The following CEP290 variants were observed in gnomAD, a reference collection of about 807,000 sequenced individuals.
CEP290 encodes centrosomal protein of 290 kDa.
In CEP290, 317 loss-of-function variants were observed where a neutral mutation model predicts 344.9. The observed-to-expected ratio is 0.92, with a 90% CI of 0.84 to 1.01. The LOEUF is 1.01. CEP290 is among the 50% of genes least tolerant of loss of function. The pLI, the probability that CEP290 is intolerant of heterozygous loss-of-function variation, is 0.00. For missense variants in CEP290, 2,754 were observed against 2,761.4 expected (o/e 1.00, Z 0.06); for synonymous variants, 932 against 895.8 (o/e 1.04, Z -0.72).
chr12:88,094,074 G>A, intron 27 of CEP290, 99 bp from the exon 28 acceptor site: 1 of 919,908 alleles, frequency 1.1e-6, no homozygotes, highest in Admixed American at 3.0e-5. Context: ...TAGTTCCATG[G>A]AAAGCACATT....
Position 88,138,988 on chromosome 12 carries a change from G to T in CEP290, c.297+157C>A, listed in dbSNP as rs543604740. On this transcript the variant is annotated intron_variant, in intron 5 of 53. Coordinates refer to ENST00000552810, the MANE Select transcript of CEP290 (RefSeq NM_025114.4). Reference sequence around the variant, plus strand: ...TGCTCAGTCCTTAGTACTATATAAGGCACATAATAGGCATGTAGAACATAT... The same window carrying T: ...TGCTCAGTCCTTAGTACTATATAAGTCACATAATAGGCATGTAGAACATAT... 2.0e-5 allele frequency among the ~76,000 whole-genome samples: 3 copies of T among 152,036 alleles called. No individual in the cohort carries two copies. In the South Asian group the frequency reaches 6.2e-4, roughly 32 times the overall value.
At position 88,130,320 on chromosome 12, in the gene CEP290, G is replaced by C; in HGVS notation, c.617C>G (p.Ser206Ter). Residue 206 changes from serine to a stop codon, truncating the protein, a stop_gained, in exon 9 of 54, where the codon TCA becomes TGA. Coordinates refer to ENST00000552810, the MANE Select transcript of CEP290 (RefSeq NM_025114.4). LOFTEE classifies it high-confidence loss of function. ...CTCATAGTTTTTTTTAGACAACTGT[G>C]ATCGGTAGTCACTGTCTTCCCCTCT... is the stretch of plus-strand genomic sequence containing the variant. ...SRRGEDSDYRSQLSKKNYELI... is the reference protein window; with the variant it reads ...SRRGEDSDYR 1 of 1,608,034 alleles carries C rather than the reference G, an allele frequency of 6.2e-7. No homozygotes were observed.
In CEP290 at chr12:88,108,996, T is replaced by G. The variant is rs576628900; in HGVS notation, c.2483+70A>C. 3.2e-4 allele frequency: 180 copies of G among 554,870 alleles called. 6 individuals are homozygous for G. In the South Asian group the frequency reaches 5.4e-3, roughly 17 times the overall value. The allele number at this position is 554,870 out of a possible 1,614,324, so 34.4% of individuals were successfully genotyped here. A position where few individuals can be genotyped will look rare whatever the true frequency, so the allele number is the denominator to read the frequency against. On this transcript the variant is annotated intron_variant, in intron 23 of 53. Coordinates refer to ENST00000552810, the MANE Select transcript of CEP290 (RefSeq NM_025114.4). Reference sequence around the variant, plus strand: ...GAAGGGAAGAACAAAACATAAATTATTCTTACGTTACTTTCACAATTAACA... The same window carrying G: ...GAAGGGAAGAACAAAACATAAATTAGTCTTACGTTACTTTCACAATTAACA...
At chr12:88,109,728 G>A (rs890378150) in intron 22 of CEP290, among the ~76,000 whole-genome samples, 2 of 152,076 alleles carry the variant, frequency 1.3e-5, no homozygotes, top group African/African-American at 4.8e-5. Context: ...TACAGCCTTA[G>A]GATTGAGAGT....
intron 6 of CEP290, among the ~76,000 whole-genome samples, chr12:88,133,046 C>T (rs1209837529): frequency 2.0e-5 from 3 of 151,498 alleles, no homozygotes; most frequent in African/African-American, 7.3e-5. Context: ...ATCCCATGTC[C>T]CTGCAAAGGA....
In CEP290 at chr12:88,064,056, GTTTTCC is replaced by G; in HGVS notation, c.6189_6194del (p.Lys2063_Glu2064del). 1 of 1,590,852 alleles carries G rather than the reference GTTTTCC, an allele frequency of 6.3e-7. No individual in the cohort carries two copies. The highest frequency in any genetic ancestry group is 1.3e-5 in the African/African-American group (1 of 74,548). ...CAATATTTTCAGATGACAACTTCAA[GTTTTCC>G]TTCTGAAGCTCCTGTTCTCTCTGAC... On this transcript the variant is annotated inframe_deletion, in exon 45 of 54. Coordinates refer to ENST00000552810, the MANE Select transcript of CEP290 (RefSeq NM_025114.4).
Position 88,092,802 on chromosome 12 carries a change from C to T in CEP290, c.3340G>A (p.Val1114Met). The change falls in exon 29 of 54, where the codon GTG becomes ATG. Residue 1114 changes from valine to methionine, a missense_variant. Transcript: ENST00000552810. Reference sequence around the variant, plus strand: ...AATTCATCTCTTAACATCTGTTCCACCTTCTGTGCATCCAAATTGATTTTG... The same window carrying T: ...AATTCATCTCTTAACATCTGTTCCATCTTCTGTGCATCCAAATTGATTTTG... ...LTKINLDAQKVEQMLRDELAD... is the reference protein window; with the variant it reads ...LTKINLDAQKMEQMLRDELAD... The T allele has an allele frequency of 1.2e-6, 2 of 1,609,818 alleles. No individual in the cohort carries two copies. Among genetic ancestry groups the T allele is most frequent in the East Asian group, 2.2e-5 (1 of 44,606 alleles).
In CEP290 at chr12:88,089,329, TTCA is replaced by T. The variant is rs2036839124; in HGVS notation, c.3729_3731del (p.Asp1243del). The T allele has an allele frequency of 6.2e-7, 1 of 1,613,956 alleles. No homozygotes were observed. On this transcript the variant is annotated inframe_deletion, in exon 31 of 54. Transcript: ENST00000552810. ...GAGCATAATAGAGAGCCTGTTCTTT[TTCA>T]TCAAGTTTCTGCTCTAAGCGCAAGT...
At chr12:88,099,935 AAC>A (rs2037741962) in intron 26 of CEP290, among the ~76,000 whole-genome samples, 1 of 151,594 alleles carries the variant, frequency 6.6e-6, no homozygotes, top group South Asian at 2.1e-4. Context: ...TCTCCCTAGT[AAC>A]TCTAAATTTT....
intron 13 of CEP290, among the ~76,000 whole-genome samples, chr12:88,122,232 A>G (rs373630166): frequency 2.0e-5 from 3 of 151,952 alleles, no homozygotes; most frequent in East Asian, 3.9e-4. Context: ...CTATTCTCCT[A>G]TCATTCTTCC....
intron 44 of CEP290, among the ~76,000 whole-genome samples, 180 bp downstream of exon 44, chr12:88,068,342 T>TA (rs1296736588): frequency 2.0e-5 from 3 of 152,016 alleles, no homozygotes; most frequent in Non-Finnish European, 4.4e-5. Flanking sequence ...GTTATTATGT[T>TA]AAAAAGGATT....
At chr12:88,059,812 T>A in intron 48 of CEP290, 86 bp downstream of exon 48, 3 of 1,091,172 alleles carry the variant, frequency 2.7e-6, no homozygotes, top group Non-Finnish European at 3.8e-6. Context: ...TTACAGACAC[T>A]CTCATCAAGG....
intron 13 of CEP290, among the ~76,000 whole-genome samples, chr12:88,124,206 T>G (rs1350081853): frequency 6.6e-6 from 1 of 152,102 alleles, no homozygotes; most frequent in African/African-American, 2.4e-5. Flanking sequence ...CACAATGAAC[T>G]ATAAGGCCCC....
Position 88,126,371 on chromosome 12 carries a change from T to G in CEP290, c.1010A>C (p.Lys337Thr). 3 of 1,513,854 alleles carry G rather than the reference T, an allele frequency of 2.0e-6. No homozygotes were observed. The highest frequency in any genetic ancestry group is 2.6e-6 in the Non-Finnish European group (3 of 1,135,830). The allele number at this position is 1,513,854 out of a possible 1,614,324, so 93.8% of individuals were successfully genotyped here. Reference protein sequence around the residue: ...YQQMLHNLREKLKNAQLDADK... With the variant: ...YQQMLHNLRETLKNAQLDADK... The stretch of plus-strand genomic sequence containing the variant: ...AGCATCAAGCTGAGCATTCTTAAGT[T>G]TCTCCCTTAGGTTATGTAACATTTG... The change falls in exon 12 of 54, where the codon AAA becomes ACA. Residue 337 changes from lysine (K) to threonine (T), a missense_variant. Transcript: ENST00000552810.
rs557032879 is a variant in CEP290, at chr12:88,134,355, GC to G, written c.441+2287del. Among the ~76,000 whole-genome samples, 302 of 152,228 alleles carry G rather than the reference GC, an allele frequency of 2.0e-3. 1 individual carries two copies. The highest frequency in any genetic ancestry group is 6.6e-3 in the African/African-American group (276 of 41,548). ...CTTTCTCAGGCAAATGCCATCATTA[GC>G]ACTTCCCTGAATTAACACAAATGTT... On this transcript the variant is annotated intron_variant, in intron 6 of 53. Coordinates refer to ENST00000552810, the MANE Select transcript of CEP290 (RefSeq NM_025114.4).
rs2138257225 is a variant in CEP290, at chr12:88,139,136, A to G, written c.297+9T>C. The stretch of plus-strand genomic sequence containing the variant: ...ACAATTACATCCTAGGGAATACAAA[A>G]AGACATACCTCCAGTTCATTTTCCA... On this transcript the variant is annotated intron_variant, in intron 5 of 53. Transcript: ENST00000552810. 3 of 1,165,090 alleles carry G rather than the reference A, an allele frequency of 2.6e-6. No homozygotes were observed. Among genetic ancestry groups the G allele is most frequent in the Non-Finnish European group, 3.6e-6 (3 of 826,672 alleles). 72.2% of individuals were successfully genotyped at this position (1,165,090 alleles called of 1,614,324 possible).
At chr12:88,123,744 T>G (rs2039559704) in intron 13 of CEP290, among the ~76,000 whole-genome samples, 1 of 152,134 alleles carries the variant, frequency 6.6e-6, no homozygotes, top group Non-Finnish European at 1.5e-5. Context: ...TAGCCTAGAT[T>G]GTTGTCCTAA....
At chr12:88,070,975 T>C (rs527986637) in intron 43 of CEP290, among the ~76,000 whole-genome samples, 1 of 152,236 alleles carries the variant, frequency 6.6e-6, no homozygotes, top group East Asian at 1.9e-4. Context: ...TGAAAAGGCT[T>C]TGAAAAATGG....
At chr12:88,095,550 C>T (rs568609538) in intron 27 of CEP290, among the ~76,000 whole-genome samples, 23 of 152,066 alleles carry the variant, frequency 1.5e-4, no homozygotes, top group Non-Finnish European at 3.1e-4. Context: ...TAAATGGTAC[C>T]TTCTTCCATG....
Sources: gnomAD v4.1 joint callset for allele counts (sites outside exome capture counted in the v4.1 genomes callset) on GRCh38, gnomAD v4.1.1 for gene constraint, MANE v1.5 for transcripts, NCBI Gene and HGNC (gene_info 2026-07-23, HGNC 2026-07-21) for gene names.